The following SLC24A2 variants were observed in gnomAD, a reference collection of about 807,000 sequenced individuals.
The protein encoded by SLC24A2 is solute carrier family 24 member 2, also known as sodium/potassium/calcium exchanger 2.
A neutral mutation model predicts 62.0 loss-of-function variants in SLC24A2; 36 were observed. The observed-to-expected ratio is 0.58, with a 90% confidence interval of 0.44 to 0.77. The LOEUF (loss-of-function observed/expected upper bound fraction) is 0.77, where lower values mean the gene tolerates loss of function less well. Ranked by LOEUF, SLC24A2 falls within the 30% of genes least tolerant of loss-of-function variation. SLC24A2 has a pLI of 0.00. For missense variants in SLC24A2, 846 were observed against 817.9 expected, an observed-to-expected ratio of 1.03 and a Z score of -0.42; for synonymous variants, 358 against 294.0, an observed-to-expected ratio of 1.22 and a Z score of -2.23.
chr9:20,030,478 CTA>C, the SLC24A2 span, among the ~76,000 whole-genome samples: 1 of 152,194 alleles, frequency 6.6e-6, no homozygotes, highest in Admixed American at 6.5e-5. Context: ...AAGTGCCATA[CTA>C]TGAGGAGGAA....
the SLC24A2 span, among the ~76,000 whole-genome samples, chr9:19,802,199 C>T: frequency 1.3e-5 from 2 of 152,184 alleles, no homozygotes; most frequent in Non-Finnish European, 2.9e-5. Context: ...TGGCCAATGT[C>T]TAGTAAACAA....
the SLC24A2 span, among the ~76,000 whole-genome samples, chr9:20,069,823 T>G: frequency 1.3e-5 from 2 of 152,228 alleles, no homozygotes; most frequent in Admixed American, 6.5e-5. Context: ...TTATAAATGA[T>G]TATTTACTTA....
intron 8 of SLC24A2, among the ~76,000 whole-genome samples, chr9:19,544,044 C>G (rs1357037142): frequency 1.3e-5 from 2 of 152,018 alleles, no homozygotes; most frequent in African/African-American, 4.8e-5. Flanking sequence ...AAATCTCCCA[C>G]TATTATTGTG....
the SLC24A2 span, among the ~76,000 whole-genome samples, chr9:19,819,176 C>T: frequency 6.6e-6 from 1 of 152,060 alleles, no homozygotes; most frequent in African/African-American, 2.4e-5. Flanking sequence ...ATCCTCATCT[C>T]TCACCTTATA....
At chr9:20,046,987 A>T in the SLC24A2 span, among the ~76,000 whole-genome samples, 3 of 151,974 alleles carry the variant, frequency 2.0e-5, no homozygotes, top group Non-Finnish European at 4.4e-5. Context: ...CCACTTAGGG[A>T]TCCCTTATTT....
chr9:19,953,939 C>T, the SLC24A2 span, among the ~76,000 whole-genome samples: 1 of 151,786 alleles, frequency 6.6e-6, no homozygotes, highest in South Asian at 2.1e-4. Flanking sequence ...TCACACTGTC[C>T]TATTGATATT....
the SLC24A2 span, among the ~76,000 whole-genome samples, chr9:20,028,233 G>A: frequency 6.6e-6 from 1 of 152,154 alleles, no homozygotes; most frequent in Non-Finnish European, 1.5e-5. Context: ...TTGGGGTACA[G>A]CCCTCATTTC....
chr9:19,751,418 A>G (rs1021506561), intron 2 of SLC24A2, among the ~76,000 whole-genome samples: 2 of 152,080 alleles, frequency 1.3e-5, no homozygotes, highest in Non-Finnish European at 2.9e-5. Flanking sequence ...TCAAAATTTA[A>G]AAGTCTTGAG....
chr9:19,995,994 A>G, the SLC24A2 span, among the ~76,000 whole-genome samples: 1 of 152,234 alleles, frequency 6.6e-6, no homozygotes, highest in African/African-American at 2.4e-5. Context: ...GAAGAGAACC[A>G]CTACTTTCAA....
the SLC24A2 span, among the ~76,000 whole-genome samples, chr9:19,900,236 T>C: frequency 2.0e-5 from 3 of 152,236 alleles, no homozygotes; most frequent in Admixed American, 1.3e-4. Context: ...AGTTCTGATG[T>C]GTGTGATAAA....
the SLC24A2 span, among the ~76,000 whole-genome samples, chr9:19,861,229 C>T: frequency 6.6e-6 from 1 of 152,132 alleles, no homozygotes; most frequent in African/African-American, 2.4e-5. Flanking sequence ...CTCCAGGTGG[C>T]TCAGAGCAGA....
intron 5 of SLC24A2, among the ~76,000 whole-genome samples, chr9:19,583,450 G>A (rs1284088659): frequency 6.6e-6 from 1 of 152,136 alleles, no homozygotes; most frequent in Non-Finnish European, 1.5e-5. Flanking sequence ...AGATTATTTG[G>A]TGCTTTCCAC....
the SLC24A2 span, among the ~76,000 whole-genome samples, chr9:19,796,612 A>T: frequency 9.2e-5 from 14 of 152,034 alleles, no homozygotes; most frequent in Admixed American, 8.5e-4. Flanking sequence ...CCACTCCCAT[A>T]CTCTATTTTC....
chr9:19,792,740 A>G (rs937498314), upstream of SLC24A2, among the ~76,000 whole-genome samples: 2 of 152,088 alleles, frequency 1.3e-5, no homozygotes, highest in Non-Finnish European at 2.9e-5. Context: ...TGAGTCAGAA[A>G]GTTGTGGGCA....
chr9:20,153,017 C>G, the SLC24A2 span, among the ~76,000 whole-genome samples: 2 of 151,694 alleles, frequency 1.3e-5, no homozygotes, highest in Non-Finnish European at 2.9e-5. Context: ...GGCTAGAGAC[C>G]GACAAACAGA....
intron 9 of SLC24A2, among the ~76,000 whole-genome samples, chr9:19,526,711 T>C (rs566855420): frequency 6.6e-6 from 1 of 152,298 alleles, no homozygotes; most frequent in Admixed American, 6.5e-5. Context: ...TGCCTTCCTA[T>C]TATGGAGCTT....
the SLC24A2 span, among the ~76,000 whole-genome samples, chr9:19,879,565 T>C: frequency 6.6e-6 from 1 of 152,190 alleles, no homozygotes; most frequent in South Asian, 2.1e-4. Context: ...ATAGTAATTT[T>C]TTCATTTGCC....
At chr9:19,639,367 T>C (rs1818436523) in intron 2 of SLC24A2, among the ~76,000 whole-genome samples, 1 of 152,216 alleles carries the variant, frequency 6.6e-6, no homozygotes, top group Admixed American at 6.5e-5. Flanking sequence ...TTTGGATTAA[T>C]CTTGTGACGC....
chr9:20,303,807 C>T, the SLC24A2 span, among the ~76,000 whole-genome samples: 9 of 152,168 alleles, frequency 5.9e-5, no homozygotes, highest in Admixed American at 2.6e-4. Flanking sequence ...GACAACCTAG[C>T]GGCAAAACCT....
Sources: allele counts gnomAD v4.1 joint callset (sites outside exome capture counted in the v4.1 genomes callset), GRCh38; gene constraint gnomAD v4.1.1; transcripts MANE v1.5; gene names NCBI Gene and HGNC (gene_info 2026-07-23, HGNC 2026-07-21).